The following PLXNA2 variants were observed in gnomAD, a reference collection of about 807,000 sequenced individuals.
PLXNA2 encodes the protein plexin A2.
Under a neutral mutation model 193.5 loss-of-function variants are expected in PLXNA2, and 91 were observed. That is an observed-to-expected ratio of 0.47 (90% CI 0.40 to 0.56). The LOEUF (loss-of-function observed/expected upper bound fraction) is 0.56. PLXNA2 is among the 20% of genes least tolerant of loss of function. PLXNA2 has a pLI of 0.00. For synonymous variants in PLXNA2, 997 were observed against 1,027.3 expected, an observed-to-expected ratio of 0.97 and a Z score of 0.56; for missense variants, 1,995 against 2,503.2, an observed-to-expected ratio of 0.80 and a Z score of 4.33.
At chr1:208,234,961 C>A (rs553090294) in intron 1 of PLXNA2, among the ~76,000 whole-genome samples, 2 of 152,332 alleles carry the variant, frequency 1.3e-5, no homozygotes, top group South Asian at 4.1e-4. Flanking sequence ...AAAAGCTACT[C>A]TGTGCAGGAG....
At chr1:208,133,093 C>A (rs1043057012) in intron 4 of PLXNA2, among the ~76,000 whole-genome samples, 2 of 152,180 alleles carry the variant, frequency 1.3e-5, no homozygotes, top group Non-Finnish European at 2.9e-5. Flanking sequence ...AAATAAAGGG[C>A]TGCTCTTCAC....
intron 12 of PLXNA2, among the ~76,000 whole-genome samples, chr1:208,069,298 T>C (rs112011920): frequency 7.9e-5 from 12 of 152,288 alleles, no homozygotes; most frequent in African/African-American, 2.6e-4. Flanking sequence ...AGACCCCACC[T>C]TGACAGCTGC....
chr1:208,126,768 A>G (rs1168262408), intron 4 of PLXNA2, among the ~76,000 whole-genome samples: 2 of 151,934 alleles, frequency 1.3e-5, no homozygotes, highest in Non-Finnish European at 2.9e-5. Context: ...TTCAGAGCCT[A>G]TGGTATCTTC....
In PLXNA2 at chr1:208,042,377, G is replaced by T. The variant is rs768471594; in HGVS notation, c.4018-11C>A. On this transcript the variant is annotated splice_polypyrimidine_tract_variant and intron_variant, in intron 21 of 31. Coordinates refer to ENST00000367033, the MANE Select transcript of PLXNA2 (RefSeq NM_025179.4). ...CCCGTTTCCTTGTACCTGGGGTGGG[G>T]TGTGGTGGAGGCGACGCCCTCAGAG... is the stretch of plus-strand genomic sequence containing the variant. 34 of 1,610,964 alleles carry T rather than the reference G, an allele frequency of 2.1e-5. No individual in the cohort carries two copies. Among genetic ancestry groups the T allele is most frequent in the Middle Eastern group, 1.6e-4 (1 of 6,064 alleles).
At chr1:208,102,851 G>A (rs1356989216) in intron 5 of PLXNA2, among the ~76,000 whole-genome samples, 1 of 152,194 alleles carries the variant, frequency 6.6e-6, no homozygotes, top group African/African-American at 2.4e-5. Flanking sequence ...AAAGACTACA[G>A]TATCCCTTGT....
At position 208,044,464 on chromosome 1, in the gene PLXNA2, TG is replaced by T. The variant is rs774818242; in HGVS notation, c.3874+43del. ...GCAGGGAGAAGGGCAATAAGGCAGG[TG>T]GAGAAAGAGGGACCCAGCAAATGAG... On this transcript the variant is annotated intron_variant, in intron 20 of 31. Transcript: ENST00000367033. The surrounding 1 kb of genome is among the most constrained non-coding windows in gnomAD (Gnocchi z 4.9). 2 of 1,372,742 alleles carry T rather than the reference TG, an allele frequency of 1.5e-6. No individual in the cohort carries two copies. Among genetic ancestry groups the T allele is most frequent in the South Asian group, 1.2e-5 (1 of 85,858 alleles). 85.0% of individuals were successfully genotyped at this position (1,372,742 alleles called of 1,614,324 possible).
chr1:208,086,029 C>A (rs1250601863), intron 9 of PLXNA2, among the ~76,000 whole-genome samples: 2 of 152,192 alleles, frequency 1.3e-5, no homozygotes, highest in Non-Finnish European at 2.9e-5. Context: ...TCAAACTCAG[C>A]CCAGTTTCTT....
At chr1:208,156,715 A>G (rs1668949868) in intron 3 of PLXNA2, among the ~76,000 whole-genome samples, 1 of 152,210 alleles carries the variant, frequency 6.6e-6, no homozygotes, top group Non-Finnish European at 1.5e-5. Context: ...CTAAGTGCCA[A>G]CATAAATTAT....
chr1:208,212,683 C>T (rs1191130701), intron 2 of PLXNA2, among the ~76,000 whole-genome samples: 1 of 152,148 alleles, frequency 6.6e-6, no homozygotes, highest in African/African-American at 2.4e-5. Flanking sequence ...TGCATAGAGC[C>T]AGTTATTTAA....
intron 1 of PLXNA2, among the ~76,000 whole-genome samples, chr1:208,239,445 T>G (rs551909808): frequency 2.0e-5 from 3 of 152,382 alleles, no homozygotes; most frequent in South Asian, 4.1e-4. Context: ...GCCCACATCT[T>G]GACTTCTGTC....
At chr1:208,188,194 T>C (rs1670066453) in intron 3 of PLXNA2, among the ~76,000 whole-genome samples, 1 of 152,206 alleles carries the variant, frequency 6.6e-6, no homozygotes, top group Non-Finnish European at 1.5e-5. Flanking sequence ...CATGTCCTAT[T>C]GTCCTTTACA....
chr1:208,220,589 C>T (rs1274149986), intron 1 of PLXNA2, among the ~76,000 whole-genome samples: 1 of 151,420 alleles, frequency 6.6e-6, no homozygotes, highest in Non-Finnish European at 1.5e-5. Flanking sequence ...CGTGCCACCA[C>T]ACCCGCCTAA....
At chr1:208,057,610 G>A (rs1276237028) in intron 13 of PLXNA2, among the ~76,000 whole-genome samples, 10 of 152,108 alleles carry the variant, frequency 6.6e-5, no homozygotes, top group Non-Finnish European at 1.5e-4. Context: ...GATTTCTTGT[G>A]GTTTGATTTC....
At chr1:208,183,919 A>G (rs1005357644) in intron 3 of PLXNA2, among the ~76,000 whole-genome samples, 2 of 152,210 alleles carry the variant, frequency 1.3e-5, no homozygotes, top group Non-Finnish European at 2.9e-5. Context: ...AGCCACAGGT[A>G]GCTATTTATC....
At chr1:208,165,341 A>G (rs562332052) in intron 3 of PLXNA2, among the ~76,000 whole-genome samples, 31 of 152,328 alleles carry the variant, frequency 2.0e-4, no homozygotes, top group African/African-American at 5.8e-4. Flanking sequence ...GTGTTTCTAC[A>G]TAGAATACCT....
chr1:208,031,548 C>T (rs756441525), intron 29 of PLXNA2, 42 bp downstream of exon 29: 7 of 1,610,664 alleles, frequency 4.3e-6, no homozygotes, highest in South Asian at 2.2e-5. Context: ...AGCTCCAGGC[C>T]TCTCCAGGCT....
intron 3 of PLXNA2, among the ~76,000 whole-genome samples, chr1:208,194,799 G>C (rs1209900207): frequency 6.6e-6 from 1 of 152,150 alleles, no homozygotes; most frequent in African/African-American, 2.4e-5. Flanking sequence ...GGAAGAATCA[G>C]AAATCTCCAC....
At chr1:208,237,504 G>A (rs916207346) in intron 1 of PLXNA2, among the ~76,000 whole-genome samples, 5 of 152,192 alleles carry the variant, frequency 3.3e-5, no homozygotes, top group Admixed American at 1.3e-4. Context: ...AGTCCTTGCC[G>A]TAGGATATTG....
intron 4 of PLXNA2, among the ~76,000 whole-genome samples, chr1:208,133,872 C>T (rs557877594): frequency 6.6e-5 from 10 of 152,254 alleles, no homozygotes; most frequent in African/African-American, 2.4e-4. Flanking sequence ...ATCAGTTTCC[C>T]CATATTTAAA....
Sources: gnomAD v4.1 joint callset for allele counts (sites outside exome capture counted in the v4.1 genomes callset) on GRCh38, gnomAD v4.1.1 for gene constraint, Gnocchi (gnomAD v3.1) non-coding constraint, MANE v1.5 for transcripts, NCBI Gene and HGNC (gene_info 2026-07-23, HGNC 2026-07-21) for gene names.